CCDC60: variants seen among roughly 807,000 people sequenced by gnomAD.
CCDC60 encodes coiled-coil domain containing 60.
CCDC60 carries 54 observed loss-of-function variants against 63.5 expected under a neutral mutation model. The ratio of observed to expected loss-of-function variants is 0.85; its 90% CI spans 0.68 to 1.07. CCDC60 has a LOEUF of 1.07. Among genes scored for constraint, CCDC60 ranks in the 50% least tolerant of loss-of-function variants. The pLI is 0.00. For missense variants in CCDC60, 651 were observed against 684.3 expected (o/e 0.95, Z 0.54); for synonymous variants, 206 against 238.8 (o/e 0.86, Z 1.27).
intron 7 of CCDC60, 74 bp downstream of exon 7, chr12:119,505,377 G>A: frequency 1.0e-6 from 1 of 957,638 alleles, no homozygotes; most frequent in Non-Finnish European, 1.6e-6. Context: ...AAACCCTCCT[G>A]CCTCAAGTCC....
At chr12:119,383,593 A>G (rs566787600) in intron 1 of CCDC60, among the ~76,000 whole-genome samples, 1 of 152,388 alleles carries the variant, frequency 6.6e-6, no homozygotes, top group Admixed American at 6.5e-5. Context: ...TAGAGAAAGA[A>G]TAAAGAAACG....
At chr12:119,443,086 G>A (rs1027837781) in intron 2 of CCDC60, among the ~76,000 whole-genome samples, 8 of 152,166 alleles carry the variant, frequency 5.3e-5, no homozygotes, top group Admixed American at 3.3e-4. Context: ...CAGTGCCAAC[G>A]TGCATCAGGA....
rs1064319 is a variant in CCDC60, at chr12:119,428,728, A to G, written c.136A>G (p.Ile46Val). Residue 46 changes from isoleucine to valine, a missense_variant, in exon 2 of 14, where the codon ATA (isoleucine) becomes GTA (valine). By Grantham distance (29) the Ile-to-Val change is conservative. Coordinates refer to ENST00000327554, the MANE Select transcript of CCDC60 (RefSeq NM_178499.5). The part of the protein sequence containing the change: ...MKSIKYMDKE[I>V]INLKKDLIRS... Reference sequence around the variant, plus strand: ...GAGCATCAAGTATATGGACAAGGAAATAATAAACCTCAAAAAGGACCTTAT... The same window carrying G: ...GAGCATCAAGTATATGGACAAGGAAGTAATAAACCTCAAAAAGGACCTTAT... 494,685 of 1,599,836 alleles carry G rather than the reference A, an allele frequency of 0.31. 78,550 individuals carry two copies. Among genetic ancestry groups the G allele is most frequent in the Non-Finnish European group, 0.33 (386,488 of 1,169,992 alleles).
At chr12:119,538,022 AGGT>A (rs983570336) in intron 13 of CCDC60, among the ~76,000 whole-genome samples, 2 of 152,216 alleles carry the variant, frequency 1.3e-5, no homozygotes, top group South Asian at 2.1e-4. Flanking sequence ...CTGCCCCCAG[AGGT>A]GGAATCTACA....
At chr12:119,352,356 A>G (rs564067245) in intron 1 of CCDC60, among the ~76,000 whole-genome samples, 4 of 152,316 alleles carry the variant, frequency 2.6e-5, no homozygotes, top group South Asian at 2.1e-4. Flanking sequence ...CTGTTATCCT[A>G]CCATTTACTA....
At chr12:119,422,685 C>T (rs1426294201) in intron 1 of CCDC60, among the ~76,000 whole-genome samples, 1 of 152,226 alleles carries the variant, frequency 6.6e-6, no homozygotes, top group African/African-American at 2.4e-5. Context: ...AAGGACCCAC[C>T]TCCAGCATTA....
At chr12:119,430,142 G>A (rs1235614728) in intron 2 of CCDC60, among the ~76,000 whole-genome samples, 2 of 150,940 alleles carry the variant, frequency 1.3e-5, no homozygotes, top group East Asian at 3.9e-4. Context: ...CCCAGTAATT[G>A]TCATGGACTA....
chr12:119,340,480 T>C (rs1275196297), intron 1 of CCDC60, among the ~76,000 whole-genome samples: 2 of 152,014 alleles, frequency 1.3e-5, no homozygotes, highest in Non-Finnish European at 1.5e-5. Context: ...CAAACCCAGG[T>C]ATGGAAAAGA....
chr12:119,445,684 T>C (rs901116762), intron 2 of CCDC60, among the ~76,000 whole-genome samples: 8 of 152,100 alleles, frequency 5.3e-5, no homozygotes, highest in Admixed American at 6.5e-5. Context: ...TCTATGACTA[T>C]GTGTTAAGCT....
chr12:119,434,429 A>G (rs1392071351), intron 2 of CCDC60, among the ~76,000 whole-genome samples: 1 of 152,224 alleles, frequency 6.6e-6, no homozygotes, highest in Non-Finnish European at 1.5e-5. Context: ...TGAACAAAAC[A>G]GACAAGACTC....
intron 4 of CCDC60, 177 bp downstream of exon 4, chr12:119,479,378 G>A: frequency 1.7e-6 from 1 of 576,132 alleles, no homozygotes; most frequent in South Asian, 2.1e-5. Flanking sequence ...TAGACACAGT[G>A]GTTTACAGCT....
chr12:119,417,044 C>T (rs949090509), intron 1 of CCDC60, among the ~76,000 whole-genome samples: 13 of 152,158 alleles, frequency 8.5e-5, no homozygotes, highest in Non-Finnish European at 1.9e-4. Context: ...TTGCTTAAAC[C>T]TGGAGGCAGA....
At chr12:119,531,531 G>A (rs1317990841) in intron 13 of CCDC60, among the ~76,000 whole-genome samples, 1 of 152,132 alleles carries the variant, frequency 6.6e-6, no homozygotes, top group Non-Finnish European at 1.5e-5. Flanking sequence ...CAGGCAACTG[G>A]GAAGGTGACT....
rs1433740177 is a variant in CCDC60, at chr12:119,505,263, G to A, written c.843G>A (p.Glu281=). 6.2e-7 allele frequency: 1 copy of A among 1,612,516 alleles called. No homozygotes were observed. The change falls in exon 7 of 14, where the codon GAG becomes GAA. Residue 281 remains glutamate, a synonymous_variant. Coordinates refer to ENST00000327554, the MANE Select transcript of CCDC60 (RefSeq NM_178499.5). ...VTSSKDIEDN[E]SSSTKPDEEP... ...GCAGCAAGGACATTGAGGACAATGA[G>A]TCATCTTCAACCAAGCCAGATGAAG...
intron 7 of CCDC60, 33 bp from the exon 8 acceptor site, chr12:119,516,590 C>T (rs926981906): frequency 6.6e-7 from 1 of 1,523,960 alleles, no homozygotes; most frequent in Admixed American, 1.7e-5. Context: ...GGGGTGGCTT[C>T]TGGTCAAGGG....
At chr12:119,340,521 C>T (rs921526306) in intron 1 of CCDC60, among the ~76,000 whole-genome samples, 1 of 152,002 alleles carries the variant, frequency 6.6e-6, no homozygotes. Context: ...TCCTTCCTGC[C>T]GCCCCACCCC....
At chr12:119,365,510 G>T (rs1955832044) in intron 1 of CCDC60, among the ~76,000 whole-genome samples, 1 of 151,782 alleles carries the variant, frequency 6.6e-6, no homozygotes, top group South Asian at 2.1e-4. Flanking sequence ...GTCAACTTTT[G>T]TGTGTGTGTG....
At chr12:119,381,681 A>G (rs1956009122) in intron 1 of CCDC60, among the ~76,000 whole-genome samples, 1 of 152,210 alleles carries the variant, frequency 6.6e-6, no homozygotes, top group Non-Finnish European at 1.5e-5. Context: ...GGCACCTGCT[A>G]TTGCCACCCC....
intron 8 of CCDC60, 52 bp from the exon 9 acceptor site, chr12:119,520,069 C>T (rs530330323): frequency 6.5e-7 from 1 of 1,542,986 alleles, no homozygotes; most frequent in South Asian, 1.1e-5. Context: ...AGTTACTGCA[C>T]AAAATCTTCA....
Sources: allele counts gnomAD v4.1 joint callset (sites outside exome capture counted in the v4.1 genomes callset), GRCh38; gene constraint gnomAD v4.1.1; transcripts MANE v1.5; gene names NCBI Gene and HGNC (gene_info 2026-07-23, HGNC 2026-07-21).